SREBF2: variants seen among roughly 807,000 people sequenced by gnomAD.
SREBF2 encodes the protein sterol regulatory element-binding protein 2.
A neutral mutation model predicts 113.1 loss-of-function variants in SREBF2; 55 were observed. The observed-to-expected ratio is 0.49, with a 90% CI of 0.39 to 0.61. The LOEUF is 0.61. SREBF2 is among the 20% of genes least tolerant of loss of function. The pLI is 0.00. For synonymous variants in SREBF2, 593 were observed against 605.7 expected, an observed-to-expected ratio of 0.98 and a Z score of 0.31; for missense variants, 1,349 against 1,487.4, an observed-to-expected ratio of 0.91 and a Z score of 1.53.
intron 15 of SREBF2, chr22:41,899,167 GC>G: frequency 1.8e-6 from 2 of 1,114,676 alleles, no homozygotes; most frequent in South Asian, 1.8e-5. Context: ...GGCCACTGTT[GC>G]CCCCAAAACT....
chr22:41,861,918 C>G (rs76116144), intron 1 of SREBF2, among the ~76,000 whole-genome samples: 1 of 122,392 alleles, frequency 8.2e-6, no homozygotes, highest in African/African-American at 3.1e-5. Flanking sequence ...GACTTTGTCT[C>G]AAAAAAAAAA....
chr22:41,880,463 C>T (rs1470034482), intron 9 of SREBF2, among the ~76,000 whole-genome samples: 8 of 149,870 alleles, frequency 5.3e-5, no homozygotes, highest in Non-Finnish European at 7.4e-5. Flanking sequence ...ATAGAACAAA[C>T]GCACGCAGTA....
At position 41,892,647 on chromosome 22, in the gene SREBF2, CAA is replaced by C. The variant is rs397967305; in HGVS notation, c.2209-450_2209-449del. Among the ~76,000 whole-genome samples the C allele has an allele frequency of 3.7e-3, 284 of 76,944 alleles. 2 individuals are homozygous for C. The highest frequency in any genetic ancestry group is 0.011 in the African/African-American group (262 of 24,160). 50.5% of individuals were successfully genotyped at this position (76,944 alleles called of 152,430 possible). On this transcript the variant is annotated intron_variant, in intron 11 of 18. Transcript: ENST00000361204. ...TGGGCGACAGAGCGAAACTCCGTCT[CAA>C]AAAAAAAAAAAAAAAAAAATGACAT...
rs2077204462 is a variant in SREBF2 at position 41,877,233 on chromosome 22, A to G, written c.1391A>G (p.Lys464Arg). Residue 464 changes from lysine to arginine, a missense_variant, in exon 8 of 19, where the codon AAA (lysine) becomes AGA (arginine). Lys to Arg is a conservative substitution (Grantham distance 26). Around this residue, in one of 2 missense-constraint regions of SREBF2, gnomAD observed 699 missense variants for 843.3 expected, o/e 0.83. Coordinates refer to ENST00000361204, the MANE Select transcript of SREBF2 (RefSeq NM_004599.4). Reference sequence around the variant, plus strand: ...CCTCGAGGCCTTGTTTTGAAGGTCAAAGATGAGCCAGACTCTCCTCCTGTG... The same window carrying G: ...CCTCGAGGCCTTGTTTTGAAGGTCAGAGATGAGCCAGACTCTCCTCCTGTG... ...GSPLLDDAKV[K>R]DEPDSPPVAL... The G allele has an allele frequency of 3.1e-6, 5 of 1,614,252 alleles. No individual in the cohort carries two copies. The highest frequency in any genetic ancestry group is 4.2e-6 in the Non-Finnish European group (5 of 1,180,046).
At chr22:41,836,341 A>G (rs903562276) in intron 1 of SREBF2, among the ~76,000 whole-genome samples, 1 of 152,240 alleles carries the variant, frequency 6.6e-6, no homozygotes, top group African/African-American at 2.4e-5. Context: ...GAGAAACTCT[A>G]GTGCCAGTAT....
At chr22:41,884,068 T>C (rs2077275551) in intron 10 of SREBF2, among the ~76,000 whole-genome samples, 2 of 152,114 alleles carry the variant, frequency 1.3e-5, no homozygotes, top group Non-Finnish European at 2.9e-5. Context: ...TGTGTTCAGC[T>C]GTCCTTGCTC....
intron 15 of SREBF2, 189 bp downstream of exon 15, chr22:41,898,970 C>T: frequency 1.2e-6 from 1 of 829,258 alleles, no homozygotes; most frequent in Non-Finnish European, 1.9e-6. Flanking sequence ...GTCCTCTGTG[C>T]AAGTGTCCTG....
rs373254585 is a variant in SREBF2, at chr22:41,874,038, T to G, written c.1089+19T>G. The G allele has an allele frequency of 1.6e-4, 256 of 1,613,574 alleles. No individual in the cohort carries two copies. Among genetic ancestry groups the G allele is most frequent in the Non-Finnish European group, 2.0e-4 (238 of 1,179,748 alleles). Reference sequence around the variant, plus strand: ...CGCCAAGGTGGGTGCCAAGCAAAATTGTGTTTTATGTTCCACCATCTCCCC... The same window carrying G: ...CGCCAAGGTGGGTGCCAAGCAAAATGGTGTTTTATGTTCCACCATCTCCCC... On this transcript the variant is annotated intron_variant, in intron 5 of 18. Coordinates refer to ENST00000361204, the MANE Select transcript of SREBF2 (RefSeq NM_004599.4).
rs978070347 is a variant in SREBF2, at chr22:41,870,826, A to G, written c.721-63A>G. The G allele has an allele frequency of 6.9e-6, 11 of 1,585,268 alleles. No homozygotes were observed. In the Admixed American group the frequency reaches 1.7e-4, roughly 24 times the overall value. ...TTTCTTGGAAGGTCTATGCAGTAAG[A>G]AAGGAATGCATAACAGAAGGATAAT... On this transcript the variant is annotated intron_variant, in intron 3 of 18. Transcript: ENST00000361204.
At chr22:41,874,744 A>G (rs2148388161) in intron 5 of SREBF2, among the ~76,000 whole-genome samples, 1 of 152,204 alleles carries the variant, frequency 6.6e-6, no homozygotes, top group East Asian at 1.9e-4. Flanking sequence ...CGTCTCTACT[A>G]AAAATACAAA....
In SREBF2 at chr22:41,898,533, G is replaced by A. The variant is rs9611688; in HGVS notation, c.2606-116G>A. 6.5e-4 allele frequency: 913 copies of A among 1,414,772 alleles called. 1 individual carries two copies. The highest frequency in any genetic ancestry group is 8.2e-4 in the Non-Finnish European group (840 of 1,021,734). The allele number at this position is 1,414,772 out of a possible 1,614,324, so 87.6% of individuals were successfully genotyped here. A position where few individuals can be genotyped will look rare whatever the true frequency, so the allele number is the denominator to read the frequency against. On this transcript the variant is annotated intron_variant, in intron 14 of 18. Coordinates refer to ENST00000361204, the MANE Select transcript of SREBF2 (RefSeq NM_004599.4). ...GTGGGAGCCCAGAGGCTGCTGGCCC[G>A]TTCCCAGCAGGCAAAGATGTTACCC...
At position 41,894,905 on chromosome 22, in the gene SREBF2, G is replaced by C; in HGVS notation, c.2463G>C (p.Lys821Asn). 2 of 1,614,042 alleles carry C rather than the reference G, an allele frequency of 1.2e-6. No individual in the cohort carries two copies. The highest frequency in any genetic ancestry group is 2.2e-5 in the East Asian group (1 of 44,880). Residue 821 changes from lysine to asparagine, a missense_variant, in exon 13 of 19, where the codon AAG becomes AAC. This residue lies in a region of SREBF2 where 650 missense variants were observed against 644.1 expected (regional missense o/e 1.01). Transcript: ENST00000361204. The part of the protein sequence containing the change: ...AIESLVKPQA[K>N]KKAGDQEEES... ...AGTCCTTGGTGAAACCTCAGGCCAA[G>C]AAGAAGGCTGGAGACCAGGAAGAAG...
At chr22:41,871,173 A>T in intron 4 of SREBF2, 138 bp downstream of exon 4, 1 of 1,204,562 alleles carries the variant, frequency 8.3e-7, no homozygotes, top group Non-Finnish European at 1.2e-6. Flanking sequence ...TGTAAATGTC[A>T]CCCCTCTTAG....
chr22:41,899,630 T>C, intron 15 of SREBF2: 1 of 958,774 alleles, frequency 1.0e-6, no homozygotes, highest in Non-Finnish European at 1.2e-6. Context: ...GTAGCCCCAT[T>C]TGTAAGCACT....
chr22:41,903,977 G>A (rs920615385), intron 17 of SREBF2, among the ~76,000 whole-genome samples: 11 of 152,224 alleles, frequency 7.2e-5, no homozygotes, highest in Non-Finnish European at 5.9e-5. Flanking sequence ...GGCCTGGAGC[G>A]GCACCCCTGC....
At chr22:41,894,726 C>T (rs2077396699) in intron 12 of SREBF2, 94 bp from the exon 13 acceptor site, 2 of 1,069,464 alleles carry the variant, frequency 1.9e-6, no homozygotes, top group African/African-American at 1.6e-5. Context: ...TCCCCATTCA[C>T]AAGGCATGGC....
intron 3 of SREBF2, among the ~76,000 whole-genome samples, chr22:41,870,141 A>G (rs993953677): frequency 2.0e-5 from 3 of 152,198 alleles, no homozygotes; most frequent in Non-Finnish European, 4.4e-5. Context: ...AGCATGAGCC[A>G]CCACATCTGG....
At chr22:41,842,726 A>G (rs1314868466) in intron 1 of SREBF2, among the ~76,000 whole-genome samples, 1 of 152,240 alleles carries the variant, frequency 6.6e-6, no homozygotes, top group Non-Finnish European at 1.5e-5. Flanking sequence ...ACAGTGGCTC[A>G]TGCCTATAAT....
chr22:41,838,283 T>C (rs954857025), intron 1 of SREBF2, among the ~76,000 whole-genome samples: 3 of 152,150 alleles, frequency 2.0e-5, no homozygotes, highest in Non-Finnish European at 4.4e-5. Flanking sequence ...AGAGATTTCT[T>C]GGAATATAGT....
Sources: allele counts gnomAD v4.1 joint callset (sites outside exome capture counted in the v4.1 genomes callset), GRCh38; gene constraint gnomAD v4.1.1; regional missense constraint gnomAD v4.1.1; transcripts MANE v1.5; gene names NCBI Gene and HGNC (gene_info 2026-07-23, HGNC 2026-07-21).